The following ADAMTS2 variants were observed in gnomAD, a reference collection of about 807,000 sequenced individuals.
The protein encoded by ADAMTS2 is ADAM metallopeptidase with thrombospondin type 1 motif 2.
In ADAMTS2, 50 loss-of-function variants were observed where a neutral mutation model predicts 123.0. The ratio of observed to expected loss-of-function variants is 0.41; its 90% CI spans 0.32 to 0.51. The LOEUF is 0.51. Among genes scored for constraint, ADAMTS2 ranks in the 20% least tolerant of loss-of-function variants. The pLI is 0.35. For missense variants in ADAMTS2, 1,494 were observed against 1,705.2 expected (o/e 0.88, Z 2.18); for synonymous variants, 678 against 695.4 (o/e 0.98, Z 0.39).
At chr5:179,286,711 G>A (rs338881) in intron 2 of ADAMTS2, among the ~76,000 whole-genome samples, 27,154 of 152,100 alleles carry the variant, frequency 0.18, 2,791 homozygotes, top group African/African-American at 0.28. Flanking sequence ...TGCTCGGGCA[G>A]CCATCACAGG....
Position 179,273,042 on chromosome 5 carries a change from T to C in ADAMTS2, c.557A>G (p.Glu186Gly). 1 of 1,613,360 alleles carries C rather than the reference T, an allele frequency of 6.2e-7. No individual in the cohort carries two copies. The highest frequency in any genetic ancestry group is 8.5e-7 in the Non-Finnish European group (1 of 1,179,982). ...DGLAGLIRME[E>G]EEFFIEPLEK... is the part of the protein sequence containing the mutation. Reference sequence around the variant, plus strand: ...CAAGGGTTCGATGAAGAACTCCTCCTCCTCCATCCGGATCAGACCAGCCTG... The same window carrying C: ...CAAGGGTTCGATGAAGAACTCCTCCCCCTCCATCCGGATCAGACCAGCCTG... Residue 186 changes from glutamate to glycine, a missense_variant, in exon 3 of 22, where the codon GAG becomes GGG. Physicochemically the swap from Glu to Gly is moderately conservative, Grantham distance 98 (BLOSUM62 -2). Coordinates refer to ENST00000251582, the MANE Select transcript of ADAMTS2 (RefSeq NM_014244.5).
intron 3 of ADAMTS2, among the ~76,000 whole-genome samples, chr5:179,263,577 C>A (rs1766286659): frequency 6.6e-6 from 1 of 152,248 alleles, no homozygotes; most frequent in African/African-American, 2.4e-5. Context: ...GCGTGGGAGG[C>A]GTGAGCTGCG....
intron 3 of ADAMTS2, among the ~76,000 whole-genome samples, chr5:179,217,780 C>G (rs1407868359): frequency 3.3e-5 from 4 of 120,282 alleles, no homozygotes; most frequent in Admixed American, 8.5e-5. Context: ...GGCACACTCA[C>G]TAGGGGATGG....
chr5:179,231,743 T>C (rs990451778), intron 3 of ADAMTS2, among the ~76,000 whole-genome samples: 2 of 151,954 alleles, frequency 1.3e-5, no homozygotes, highest in Non-Finnish European at 2.9e-5. Context: ...CATGAGAGTC[T>C]TCTCGGTGCA....
At chr5:179,176,846 G>A (rs1763942164) in intron 5 of ADAMTS2, among the ~76,000 whole-genome samples, 1 of 152,180 alleles carries the variant, frequency 6.6e-6, no homozygotes, top group African/African-American at 2.4e-5. Context: ...TGGGTCTGCT[G>A]TTCCTGTCCC....
chr5:179,311,907 C>T (rs459580), intron 2 of ADAMTS2, among the ~76,000 whole-genome samples: 107,006 of 152,152 alleles, frequency 0.7, 37,898 homozygotes, highest in East Asian at 0.82. Context: ...CGCGCTTTAA[C>T]AAGTATCATT....
At chr5:179,198,565 G>A (rs184182747) in intron 4 of ADAMTS2, among the ~76,000 whole-genome samples, 14 of 152,350 alleles carry the variant, frequency 9.2e-5, no homozygotes, top group Non-Finnish European at 2.1e-4. Context: ...CGGGAGCAGT[G>A]GCTCATGCCT....
rs565013450 is a variant in ADAMTS2 at position 179,285,946 on chromosome 5, G to A, written c.535-12882C>T. Among the ~76,000 whole-genome samples, 2 of 152,230 alleles carry A rather than the reference G, an allele frequency of 1.3e-5. No individual in the cohort carries two copies. Among genetic ancestry groups the A allele is most frequent in the South Asian group, 4.1e-4 (2 of 4,822 alleles). On this transcript the variant is annotated intron_variant, in intron 2 of 21. Transcript: ENST00000251582. The surrounding 1 kb of genome is among the most constrained non-coding windows in gnomAD (Gnocchi z 4.9). ...TCCTGCCAACAGGCCGGGCACGGTG[G>A]CTCACGCCTATAATCCTAGCACTTT... is the stretch of plus-strand genomic sequence containing the variant.
At chr5:179,135,763 G>A in intron 13 of ADAMTS2, 146 bp downstream of exon 13, 3 of 1,269,568 alleles carry the variant, frequency 2.4e-6, no homozygotes, top group Non-Finnish European at 3.3e-6. Flanking sequence ...CATTTGCCAA[G>A]AGCCTGCCCT....
At chr5:179,247,693 A>G (rs188612960) in intron 3 of ADAMTS2, among the ~76,000 whole-genome samples, 235 of 152,330 alleles carry the variant, frequency 1.5e-3, no homozygotes, top group African/African-American at 4.3e-3. Flanking sequence ...TTGTCATCAG[A>G]AACAATAAAG....
intron 2 of ADAMTS2, among the ~76,000 whole-genome samples, chr5:179,320,934 GAC>G (rs1757150650): frequency 6.6e-6 from 1 of 152,076 alleles, no homozygotes; most frequent in South Asian, 2.1e-4. Flanking sequence ...GAGTGAAATC[GAC>G]ACAGAGGAGA....
rs952323222 is a variant in ADAMTS2 at position 179,228,525 on chromosome 5, G to A, written c.689-20810C>T. Reference sequence around the variant, plus strand: ...CCCAAAACCAGTGTGGGTGTGAAGCGGAAGGAGACTCTGCAGCAAGGCCCA... The same window carrying A: ...CCCAAAACCAGTGTGGGTGTGAAGCAGAAGGAGACTCTGCAGCAAGGCCCA... On this transcript the variant is annotated intron_variant, in intron 3 of 21. Transcript: ENST00000251582. This position sits in a 1 kb window ranked among gnomAD's most constrained non-coding sequence, Gnocchi z 5.2. Among the ~76,000 whole-genome samples the A allele has an allele frequency of 2.6e-5, 4 of 152,212 alleles. 1 individual carries two copies. The highest frequency in any genetic ancestry group is 2.0e-4 in the Admixed American group (3 of 15,282).
chr5:179,151,244 C>G (rs1032478876), intron 10 of ADAMTS2: 3 of 161,536 alleles, frequency 1.9e-5, no homozygotes, highest in Non-Finnish European at 2.8e-5. Flanking sequence ...AGAATTTTTA[C>G]CATAGTTTAA....
intron 5 of ADAMTS2, among the ~76,000 whole-genome samples, chr5:179,173,227 A>T (rs1763861812): frequency 6.7e-6 from 1 of 149,718 alleles, no homozygotes; most frequent in Admixed American, 6.7e-5. Flanking sequence ...AATAATAATA[A>T]TAATAATAAT....
chr5:179,199,521 G>A (rs1764511369), intron 4 of ADAMTS2, among the ~76,000 whole-genome samples: 3 of 152,208 alleles, frequency 2.0e-5, no homozygotes, highest in South Asian at 4.1e-4. Flanking sequence ...TAGGAAGGGG[G>A]CGTGCCTGGC....
intron 5 of ADAMTS2, among the ~76,000 whole-genome samples, chr5:179,163,087 G>A (rs1240266588): frequency 6.6e-6 from 1 of 152,192 alleles, no homozygotes; most frequent in Non-Finnish European, 1.5e-5. Flanking sequence ...GTAGGACAGA[G>A]CTGCGGGAGG....
intron 3 of ADAMTS2, among the ~76,000 whole-genome samples, chr5:179,219,965 G>A (rs1303468161): frequency 2.0e-5 from 3 of 152,310 alleles, no homozygotes; most frequent in Admixed American, 6.5e-5. Flanking sequence ...AGGCTGGGGC[G>A]GGTGACAAGA....
chr5:179,301,212 T>G (rs1756507496), intron 2 of ADAMTS2, among the ~76,000 whole-genome samples: 1 of 150,858 alleles, frequency 6.6e-6, no homozygotes, highest in South Asian at 2.1e-4. Flanking sequence ...CTGGCTGTCA[T>G]CCCTGAACAT....
intron 3 of ADAMTS2, among the ~76,000 whole-genome samples, chr5:179,208,786 C>CT (rs1764780922): frequency 6.6e-6 from 1 of 152,272 alleles, no homozygotes; most frequent in Non-Finnish European, 1.5e-5. Flanking sequence ...GTCTCTGTGT[C>CT]TAAGCCAGGT....
Sources: allele counts gnomAD v4.1 joint callset (sites outside exome capture counted in the v4.1 genomes callset), GRCh38; gene constraint gnomAD v4.1.1; non-coding constraint Gnocchi (gnomAD v3.1); transcripts MANE v1.5; gene names NCBI Gene and HGNC (gene_info 2026-07-23, HGNC 2026-07-21).